Variants in ARB2A observed in about 807,000 individuals in gnomAD.
ARB2A encodes ARB2 cotranscriptional regulator A, also known as cotranscriptional regulator ARB2A.
the ARB2A span, among the ~76,000 whole-genome samples, chr5:93,732,429 G>C: frequency 6.6e-6 from 1 of 151,964 alleles, no homozygotes; most frequent in East Asian, 1.9e-4. Context: ...AATGATTTGG[G>C]CTTACATTAT....
chr5:94,033,411 AAT>A, the ARB2A span, among the ~76,000 whole-genome samples: 2 of 151,066 alleles, frequency 1.3e-5, no homozygotes, highest in Admixed American at 6.6e-5. Context: ...TGATGAAATG[AAT>A]ATATATATAT....
At chr5:93,703,271 G>A in the ARB2A span, among the ~76,000 whole-genome samples, 1 of 152,158 alleles carries the variant, frequency 6.6e-6, no homozygotes, top group African/African-American at 2.4e-5. Flanking sequence ...CCGTTCTCTG[G>A]CGAGTGTCGG....
At chr5:94,040,999 G>C in the ARB2A span, among the ~76,000 whole-genome samples, 6 of 152,076 alleles carry the variant, frequency 3.9e-5, no homozygotes, top group East Asian at 1.9e-4. Flanking sequence ...AGGTTACTAG[G>C]GCCGCTGAGG....
chr5:93,830,693 A>G, the ARB2A span, among the ~76,000 whole-genome samples: 19 of 152,068 alleles, frequency 1.2e-4, no homozygotes, highest in Non-Finnish European at 2.4e-4. Flanking sequence ...AACAGACTTT[A>G]GTCTCAATTT....
chr5:93,656,467 A>ATACTGAATTTT, the ARB2A span, among the ~76,000 whole-genome samples: 1 of 152,192 alleles, frequency 6.6e-6, no homozygotes, highest in Admixed American at 6.6e-5. Context: ...ATTTGGTTAA[A>ATACTGAATTTT]AACTGAATTC....
the ARB2A span, among the ~76,000 whole-genome samples, chr5:94,098,991 C>T: frequency 6.6e-5 from 10 of 152,042 alleles, no homozygotes; most frequent in Non-Finnish European, 1.5e-4. Context: ...AATAAATAGC[C>T]TACCAACCAA....
the ARB2A span, among the ~76,000 whole-genome samples, chr5:93,859,874 T>C: frequency 6.6e-6 from 1 of 152,194 alleles, no homozygotes; most frequent in South Asian, 2.1e-4. Context: ...GAATAAATCA[T>C]ACAACTACTT....
chr5:93,780,642 C>G, the ARB2A span, among the ~76,000 whole-genome samples: 3 of 151,968 alleles, frequency 2.0e-5, no homozygotes, highest in African/African-American at 7.3e-5. Context: ...TCACTGCAAC[C>G]TCCACCTCCT....
the ARB2A span, among the ~76,000 whole-genome samples, chr5:93,828,394 G>A: frequency 6.6e-6 from 1 of 152,116 alleles, no homozygotes; most frequent in Non-Finnish European, 1.5e-5. Context: ...CTCTCTGTTT[G>A]TCTGTTATTG....
the ARB2A span, among the ~76,000 whole-genome samples, chr5:93,758,300 G>A: frequency 6.6e-6 from 1 of 151,618 alleles, no homozygotes; most frequent in African/African-American, 2.4e-5. Flanking sequence ...AAAATAGTAG[G>A]GAACTTCAAT....
At chr5:94,013,551 G>A in the ARB2A span, among the ~76,000 whole-genome samples, 1 of 151,924 alleles carries the variant, frequency 6.6e-6, no homozygotes, top group African/African-American at 2.4e-5. Flanking sequence ...AACTCTTTGG[G>A]GCATGATTTC....
the ARB2A span, among the ~76,000 whole-genome samples, chr5:93,711,449 TTC>T: frequency 6.6e-6 from 1 of 152,198 alleles, no homozygotes; most frequent in African/African-American, 2.4e-5. Context: ...TCAGTTACTT[TTC>T]TGTTTTATTT....
At chr5:93,952,880 G>A in the ARB2A span, among the ~76,000 whole-genome samples, 1 of 151,968 alleles carries the variant, frequency 6.6e-6, no homozygotes, top group Non-Finnish European at 1.5e-5. Context: ...CTTATAAATA[G>A]CTTGTCTTGA....
the ARB2A span, among the ~76,000 whole-genome samples, chr5:93,751,483 T>A: frequency 6.6e-6 from 1 of 152,150 alleles, no homozygotes; most frequent in Non-Finnish European, 1.5e-5. Context: ...AATTATCTCT[T>A]AAAATTTATC....
chr5:94,012,748 G>A, the ARB2A span, among the ~76,000 whole-genome samples: 1 of 152,088 alleles, frequency 6.6e-6, no homozygotes, highest in African/African-American at 2.4e-5. Context: ...CTGTTATCAA[G>A]CAGAATTCTG....
chr5:93,751,483 T>C, the ARB2A span, among the ~76,000 whole-genome samples: 1 of 152,150 alleles, frequency 6.6e-6, no homozygotes, highest in Non-Finnish European at 1.5e-5. Context: ...AATTATCTCT[T>C]AAAATTTATC....
chr5:93,964,936 G>C, the ARB2A span, among the ~76,000 whole-genome samples: 2 of 151,900 alleles, frequency 1.3e-5, no homozygotes, highest in Admixed American at 1.3e-4. Context: ...AATCGAGGAG[G>C]AAAAAGTCAG....
At chr5:94,058,174 GA>G in the ARB2A span, among the ~76,000 whole-genome samples, 6 of 150,892 alleles carry the variant, frequency 4.0e-5, no homozygotes, top group African/African-American at 1.2e-4. Context: ...AAGCCTCCAA[GA>G]AAAAAAAGAT....
the ARB2A span, among the ~76,000 whole-genome samples, chr5:93,988,636 T>A: frequency 6.6e-6 from 1 of 152,224 alleles, no homozygotes; most frequent in Non-Finnish European, 1.5e-5. Context: ...GAGTAGCAAC[T>A]ATATACTTGT....
Sources: gnomAD v4.1 joint callset for allele counts (sites outside exome capture counted in the v4.1 genomes callset) on GRCh38, gnomAD v4.1.1 for gene constraint, MANE v1.5 for transcripts, NCBI Gene and HGNC (gene_info 2026-07-23, HGNC 2026-07-21) for gene names.